The following FANCC variants were observed in gnomAD, a reference collection of about 807,000 sequenced individuals.
The protein encoded by FANCC is Fanconi anemia group C protein.
A neutral mutation model predicts 71.3 loss-of-function variants in FANCC; 55 were observed. The observed-to-expected ratio is 0.77, with a 90% CI of 0.62 to 0.97. FANCC has a LOEUF of 0.97. Ranked by LOEUF, FANCC falls within the 50% of genes least tolerant of loss-of-function variation. The pLI is 0.00. For synonymous variants in FANCC, 275 were observed against 244.9 expected, an observed-to-expected ratio of 1.12 and a Z score of -1.15; for missense variants, 678 against 670.9, an observed-to-expected ratio of 1.01 and a Z score of -0.12.
chr9:95,261,119 A>G (rs528853443), intron 1 of FANCC, among the ~76,000 whole-genome samples: 1 of 152,348 alleles, frequency 6.6e-6, no homozygotes, highest in South Asian at 2.1e-4. Context: ...TCACGGAGGA[A>G]TAAGACAGTG....
At chr9:95,280,622 A>T (rs1833331052) in intron 1 of FANCC, among the ~76,000 whole-genome samples, 1 of 152,188 alleles carries the variant, frequency 6.6e-6, no homozygotes, top group African/African-American at 2.4e-5. Context: ...TTTCAAAGGA[A>T]ATTCACAAAT....
chr9:95,246,071 T>C (rs1206342549), intron 3 of FANCC, among the ~76,000 whole-genome samples: 7 of 152,200 alleles, frequency 4.6e-5, no homozygotes, highest in African/African-American at 1.4e-4. Context: ...CATATGCATA[T>C]ACATAATGTA....
At chr9:95,185,710 T>G (rs1205896247) in intron 4 of FANCC, among the ~76,000 whole-genome samples, 1 of 152,234 alleles carries the variant, frequency 6.6e-6, no homozygotes, top group Non-Finnish European at 1.5e-5. Context: ...GATTTCCACT[T>G]TCACAGAATC....
intron 1 of FANCC, among the ~76,000 whole-genome samples, chr9:95,290,898 C>A (rs531001319): frequency 3.0e-4 from 46 of 152,274 alleles, no homozygotes; most frequent in Non-Finnish European, 5.6e-4. Flanking sequence ...ATGAAATTTA[C>A]CCCTGGGTTG....
chr9:95,242,146 T>C (rs1830668226), intron 3 of FANCC, among the ~76,000 whole-genome samples: 1 of 152,218 alleles, frequency 6.6e-6, no homozygotes, highest in Non-Finnish European at 1.5e-5. Flanking sequence ...AAAAACTTTA[T>C]CAGGGGTTAT....
chr9:95,247,112 G>A (rs540460891), intron 3 of FANCC, among the ~76,000 whole-genome samples: 2 of 152,148 alleles, frequency 1.3e-5, no homozygotes, highest in Non-Finnish European at 2.9e-5. Flanking sequence ...AGTTATGAAA[G>A]TGATTACAGG....
intron 4 of FANCC, among the ~76,000 whole-genome samples, chr9:95,172,953 T>A (rs1340831699): frequency 1.3e-5 from 2 of 152,104 alleles, no homozygotes; most frequent in African/African-American, 4.8e-5. Context: ...AAGAAGAATG[T>A]TAACAACAAA....
chr9:95,316,866 C>T (rs1415019555), intron 1 of FANCC: 1 of 152,220 alleles, frequency 6.6e-6, no homozygotes, highest in African/African-American at 2.4e-5. Context: ...AAGATATGGC[C>T]TGGCGTCCAC....
intron 1 of FANCC, among the ~76,000 whole-genome samples, chr9:95,257,497 CA>C (rs1216293427): frequency 5.3e-5 from 8 of 152,162 alleles, no homozygotes; most frequent in Non-Finnish European, 1.0e-4. Context: ...AACAAAGACA[CA>C]ACGTACCAGA....
At position 95,107,180 on chromosome 9, in the gene FANCC, C is replaced by T; in HGVS notation, c.1419G>A (p.Gln473=). 6.2e-7 allele frequency: 1 copy of T among 1,614,178 alleles called. No individual in the cohort carries two copies. The highest frequency in any genetic ancestry group is 8.5e-7 in the Non-Finnish European group (1 of 1,180,032). ...SAQDLQTVAG[Q]GTDTDLRAPA... is the part of the protein sequence containing the mutation. ...GAGCTCTGAGGTCTGTGTCTGTGCC[C>T]TGTCCTGCTACCGTCTGCAGGTCCT... The change falls in exon 14 of 15, where the codon CAG becomes CAA. Residue 473 remains glutamine (Q), a synonymous_variant. Transcript: ENST00000289081.
chr9:95,194,717 G>T (rs1564741663), intron 4 of FANCC, among the ~76,000 whole-genome samples: 1 of 151,662 alleles, frequency 6.6e-6, no homozygotes, highest in Non-Finnish European at 1.5e-5. Flanking sequence ...TTTTACCATT[G>T]AGTTTTGAGA....
chr9:95,296,900 G>C (rs1395779462), intron 1 of FANCC, among the ~76,000 whole-genome samples: 12 of 152,204 alleles, frequency 7.9e-5, no homozygotes, highest in Admixed American at 7.9e-4. Flanking sequence ...TTTAGGAATG[G>C]AGAAATGTCT....
Position 95,200,148 on chromosome 9 carries a change from G to A in FANCC, c.346-28001C>T, listed in dbSNP as rs138271174. Among the ~76,000 whole-genome samples the A allele has an allele frequency of 3.5e-4, 53 of 152,240 alleles. No individual in the cohort carries two copies. In the East Asian group the frequency reaches 6.2e-3, roughly 18 times the overall value. Reference sequence around the variant, plus strand: ...TTACAAATACCAGTGAATACCTGGCGTTTGAAAATCCGGCACATGAACCAC... The same window carrying A: ...TTACAAATACCAGTGAATACCTGGCATTTGAAAATCCGGCACATGAACCAC... On this transcript the variant is annotated intron_variant, in intron 4 of 14. Transcript: ENST00000289081.
At chr9:95,128,100 G>A (rs1564669792) in intron 8 of FANCC, among the ~76,000 whole-genome samples, 1 of 152,182 alleles carries the variant, frequency 6.6e-6, no homozygotes, top group African/African-American at 2.4e-5. Flanking sequence ...TTATTTCGTG[G>A]CTTCGAACTT....
intron 4 of FANCC, among the ~76,000 whole-genome samples, chr9:95,198,525 T>C (rs896287299): frequency 9.8e-5 from 15 of 152,314 alleles, no homozygotes; most frequent in Middle Eastern, 3.4e-3. Context: ...AGTTTCATCA[T>C]AGCATTATCA....
At chr9:95,184,736 G>A (rs1397389259) in intron 4 of FANCC, among the ~76,000 whole-genome samples, 3 of 152,186 alleles carry the variant, frequency 2.0e-5, no homozygotes, top group African/African-American at 4.8e-5. Flanking sequence ...CATGCTAAGG[G>A]AAAGAAGAAA....
chr9:95,175,467 C>CCT (rs1302034958), intron 4 of FANCC, among the ~76,000 whole-genome samples: 1 of 152,090 alleles, frequency 6.6e-6, no homozygotes, highest in Non-Finnish European at 1.5e-5. Flanking sequence ...TTGTTTTTTC[C>CCT]CTCTTTCAGT....
intron 8 of FANCC, among the ~76,000 whole-genome samples, chr9:95,130,920 T>C (rs1215790472): frequency 1.3e-5 from 2 of 152,238 alleles, no homozygotes; most frequent in African/African-American, 2.4e-5. Context: ...ATATGTATTT[T>C]TTATTATGCC....
At chr9:95,169,099 G>A (rs1251286575) in intron 6 of FANCC, among the ~76,000 whole-genome samples, 3 of 152,122 alleles carry the variant, frequency 2.0e-5, no homozygotes, top group African/African-American at 7.2e-5. Context: ...CAGAGAAGTT[G>A]TAAAGTGCTT....
Sources: allele counts gnomAD v4.1 joint callset (sites outside exome capture counted in the v4.1 genomes callset), GRCh38; gene constraint gnomAD v4.1.1; transcripts MANE v1.5; gene names NCBI Gene and HGNC (gene_info 2026-07-23, HGNC 2026-07-21).